The following GPC4 variants were observed in gnomAD, a reference collection of about 807,000 sequenced individuals.
The protein encoded by GPC4 is glypican-4.
A neutral mutation model predicts 35.0 loss-of-function variants in GPC4; 10 were observed. The observed-to-expected ratio is 0.29, with a 90% CI of 0.18 to 0.48. GPC4 has a LOEUF of 0.48. Ranked by LOEUF, GPC4 falls within the 20% of genes least tolerant of loss-of-function variation. The pLI, the probability that GPC4 is intolerant of heterozygous loss-of-function variation, is 0.99. For synonymous variants in GPC4, 167 were observed against 170.2 expected (o/e 0.98, Z 0.15); for missense variants, 322 against 451.3 (o/e 0.71, Z 2.60).
chrX:133,335,136 G>T (rs2068436239), intron 2 of GPC4, among the ~76,000 whole-genome samples: 1 of 111,118 alleles, frequency 9.0e-6, no homozygotes, highest in African/African-American at 3.3e-5. Flanking sequence ...AATTAAGTAT[G>T]TGATTAGCAT....
intron 1 of GPC4, among the ~76,000 whole-genome samples, chrX:133,364,911 C>T (rs2068583645): frequency 8.9e-6 from 1 of 111,985 alleles, no homozygotes; most frequent in African/African-American, 3.2e-5. Flanking sequence ...ACTAATACAG[C>T]GAGTGCAAAC....
intron 1 of GPC4, among the ~76,000 whole-genome samples, chrX:133,364,279 C>T (rs1392056019): frequency 1.8e-5 from 2 of 112,019 alleles, no homozygotes; most frequent in Non-Finnish European, 3.8e-5. Context: ...GGTTTCAATT[C>T]TCTTGGGTTT....
At chrX:133,370,223 C>G (rs1436191584) in intron 1 of GPC4, among the ~76,000 whole-genome samples, 1 of 111,619 alleles carries the variant, frequency 9.0e-6, no homozygotes, top group East Asian at 2.8e-4. Context: ...GAAGCAACAG[C>G]AGCAAAATCT....
chrX:133,350,764 G>A lies in GPC4; in HGVS notation c.161-11423C>T, dbSNP rs148380934. 1.2e-4 allele frequency among the ~76,000 whole-genome samples: 13 copies of A among 112,034 alleles called. No individual in the cohort carries two copies. The East Asian group carries it at 3.1e-3, about 27-fold the overall frequency. The stretch of plus-strand genomic sequence containing the variant: ...TGATACAGATCTGCACTGAAGGACT[G>A]TTAATAAGTCCCAGTTCCTATGGAT... On this transcript the variant is annotated intron_variant, in intron 1 of 8. Transcript: ENST00000370828.
chrX:133,357,082 A>T (rs1258986622), intron 1 of GPC4, among the ~76,000 whole-genome samples: 1 of 111,215 alleles, frequency 9.0e-6, no homozygotes, highest in Non-Finnish European at 1.9e-5. Flanking sequence ...TTCTTTCTTA[A>T]TTAAAAAAAT....
At chrX:133,309,265 G>A (rs1429920273) in intron 4 of GPC4, among the ~76,000 whole-genome samples, 2 of 111,830 alleles carry the variant, frequency 1.8e-5, no homozygotes, top group Admixed American at 1.9e-4. Flanking sequence ...GGGAAAAATC[G>A]ATTCAGAAAT....
intron 3 of GPC4, 147 bp downstream of exon 3, chrX:133,323,998 G>A: frequency 1.9e-6 from 1 of 516,685 alleles, no homozygotes; most frequent in Non-Finnish European, 3.1e-6. Context: ...AGGACAGTGT[G>A]TGGGAGAGAA....
rs1420788652 is a variant in GPC4 at position 133,305,818 on chromosome X, G to A, written c.1109C>T (p.Pro370Leu). The change falls in exon 6 of 9, where the codon CCC (proline) becomes CTC (leucine). Residue 370 changes from proline to leucine, a missense_variant. Physicochemically the swap from Pro to Leu is moderately conservative, Grantham distance 98. Around this residue, in one of 3 missense-constraint regions of GPC4, gnomAD observed 163 missense variants for 277.2 expected, o/e 0.59. Coordinates refer to ENST00000370828, the MANE Select transcript of GPC4 (RefSeq NM_001448.3). ...AFSARFRPHH[P>L]EERPTTAAGT... Reference sequence around the variant, plus strand: ...AGCTGCTGTGGTTGGGCGTTCCTCGGGGTGATGTGGTCTGAAGCGAGCACT... The same window carrying A: ...AGCTGCTGTGGTTGGGCGTTCCTCGAGGTGATGTGGTCTGAAGCGAGCACT... 1 of 1,211,866 alleles carries A rather than the reference G, an allele frequency of 8.3e-7. No individual in the cohort carries two copies.
chrX:133,304,682 T>A (rs1603054072), intron 7 of GPC4, 43 bp downstream of exon 7: 1 of 1,201,980 alleles, frequency 8.3e-7, no homozygotes, highest in East Asian at 3.0e-5. Flanking sequence ...CACCCAGGCA[T>A]CTAGGAAGGG....
intron 1 of GPC4, among the ~76,000 whole-genome samples, chrX:133,372,540 C>T (rs1298411323): frequency 1.8e-5 from 2 of 111,300 alleles, no homozygotes; most frequent in Non-Finnish European, 3.8e-5. Flanking sequence ...TCTCCACTCC[C>T]CACCCTATGA....
At chrX:133,409,278 A>AC (rs2068802595) in intron 1 of GPC4, among the ~76,000 whole-genome samples, 1 of 96,452 alleles carries the variant, frequency 1.0e-5, no homozygotes, top group Non-Finnish European at 2.0e-5. Flanking sequence ...AGGCAAGATC[A>AC]CGCCACTGCA....
At chrX:133,353,153 A>T (rs2068524133) in intron 1 of GPC4, among the ~76,000 whole-genome samples, 1 of 111,543 alleles carries the variant, frequency 9.0e-6, no homozygotes, top group South Asian at 3.8e-4. Flanking sequence ...GGCCAAAGAG[A>T]TAGATACAAA....
chrX:133,324,287 A>G lies in GPC4; in HGVS notation c.569T>C (p.Val190Ala). Reference protein sequence around the residue: ...YHFTDEYLECVSKYTEQLKPF... With the variant: ...YHFTDEYLECASKYTEQLKPF... The stretch of plus-strand genomic sequence containing the variant: ...CTTCAGCTGCTCCGTATACTTGCTC[A>G]CACATTCCAGATACTCATCTGTAAA... The change falls in exon 3 of 9, where the codon GTG becomes GCG. Residue 190 changes from valine to alanine, a missense_variant. By Grantham distance (64) the Val-to-Ala change is moderately conservative (BLOSUM62 0). Coordinates refer to ENST00000370828, the MANE Select transcript of GPC4 (RefSeq NM_001448.3). The G allele has an allele frequency of 8.3e-7, 1 of 1,211,834 alleles. No homozygotes were observed. Among genetic ancestry groups the G allele is most frequent in the Non-Finnish European group, 1.1e-6 (1 of 895,557 alleles).
Position 133,324,148 on chromosome X carries a change from G to A in GPC4, c.708C>T (p.Ser236=), listed in dbSNP as rs866902857. The A allele has an allele frequency of 3.3e-6, 4 of 1,196,137 alleles. No individual in the cohort carries two copies. The Middle Eastern group carries it at 7.0e-4, about 211-fold the overall frequency. Residue 236 remains serine, a synonymous_variant, in exon 3 of 9, where the codon TCC becomes TCT. Transcript: ENST00000370828. ...AGAGAAGACAAGGAGTACTTACCAC[G>A]GAGACCTTGCTCACGACATCTCCCG... ...AVAGDVVSKV[S]VVNPTAQCTH... is the part of the protein sequence containing the mutation.
chrX:133,400,930 A>G (rs1383619406), intron 1 of GPC4, among the ~76,000 whole-genome samples: 6 of 106,989 alleles, frequency 5.6e-5, no homozygotes, highest in Non-Finnish European at 1.2e-4. Flanking sequence ...GGGTGGGAGT[A>G]TCCTATTTTA....
intron 1 of GPC4, among the ~76,000 whole-genome samples, chrX:133,357,296 A>C (rs1473751403): frequency 1.9e-5 from 2 of 107,825 alleles, no homozygotes; most frequent in Non-Finnish European, 3.8e-5. Context: ...AGGCAGAAGA[A>C]TTGCCTGAGC....
intron 1 of GPC4, among the ~76,000 whole-genome samples, chrX:133,357,668 T>G (rs752492920): frequency 9.0e-6 from 1 of 110,988 alleles, no homozygotes; most frequent in Non-Finnish European, 1.9e-5. Context: ...CACGTCACCA[T>G]GCCCAGCTTA....
chrX:133,350,514 G>A (rs1268643636), intron 1 of GPC4, among the ~76,000 whole-genome samples: 1 of 110,055 alleles, frequency 9.1e-6, no homozygotes, highest in Non-Finnish European at 1.9e-5. Context: ...TGGGGTGGGG[G>A]GGAATGTTTC....
chrX:133,405,721 T>C (rs1014445776), intron 1 of GPC4, among the ~76,000 whole-genome samples: 1 of 112,114 alleles, frequency 8.9e-6, no homozygotes, highest in African/African-American at 3.2e-5. Context: ...TAATCTGCCA[T>C]AGACTGGGAA....
Sources: allele counts gnomAD v4.1 joint callset (sites outside exome capture counted in the v4.1 genomes callset), GRCh38; gene constraint gnomAD v4.1.1; regional missense constraint gnomAD v4.1.1; transcripts MANE v1.5; gene names NCBI Gene and HGNC (gene_info 2026-07-23, HGNC 2026-07-21).